Variants in CPNE4 observed in about 807,000 individuals in gnomAD.
CPNE4 encodes copine 4, also known as copine-4.
CPNE4 carries 25 observed loss-of-function variants against 67.9 expected under a neutral mutation model. That is an observed-to-expected ratio of 0.37 (90% CI 0.27 to 0.51). The LOEUF (loss-of-function observed/expected upper bound fraction) is 0.51. Ranked by LOEUF, CPNE4 falls within the 20% of genes least tolerant of loss-of-function variation. The pLI, the probability that CPNE4 is intolerant of heterozygous loss-of-function variation, is 0.93. For missense variants in CPNE4, 464 were observed against 690.8 expected, an observed-to-expected ratio of 0.67 and a Z score of 3.68; for synonymous variants, 242 against 244.9, an observed-to-expected ratio of 0.99 and a Z score of 0.11.
Position 131,542,710 on chromosome 3 carries a change from GTGGGAGGCATGGACAA to G in CPNE4, c.1370_1385del (p.Ile457ThrfsTer11), listed in dbSNP as rs1427496712. ...CCACGATGATGACTGACATGGGGAG[GTGGGAGGCATGGACAA>G]TGGCCTCCCGGGTGTCGGCCATGTC... On this transcript the variant is annotated frameshift_variant, in exon 15 of 16. Coordinates refer to ENST00000429747, the MANE Select transcript of CPNE4 (RefSeq NM_130808.3). LOFTEE classifies it high-confidence loss of function. The G allele has an allele frequency of 6.2e-7, 1 of 1,613,986 alleles. No individual in the cohort carries two copies.
intron 10 of CPNE4, among the ~76,000 whole-genome samples, chr3:131,568,009 A>G (rs1009680049): frequency 1.3e-5 from 2 of 152,014 alleles, no homozygotes; most frequent in East Asian, 3.9e-4. Flanking sequence ...AGGCCACTTC[A>G]TCTCAGGAGA....
At chr3:131,803,520 G>T (rs80078805) in intron 2 of CPNE4, among the ~76,000 whole-genome samples, 1 of 152,176 alleles carries the variant, frequency 6.6e-6, no homozygotes, top group Non-Finnish European at 1.5e-5. Context: ...TACTCTGAAG[G>T]CATAGACATC....
intron 2 of CPNE4, among the ~76,000 whole-genome samples, chr3:131,842,730 TAAAA>T (rs3041527): frequency 1.5e-4 from 18 of 121,846 alleles, no homozygotes; most frequent in Admixed American, 1.6e-4. Flanking sequence ...TATTCTGTTG[TAAAA>T]AAAAAAAAAA....
intron 2 of CPNE4, among the ~76,000 whole-genome samples, chr3:131,759,747 A>G (rs1395857826): frequency 1.3e-5 from 2 of 152,244 alleles, no homozygotes; most frequent in Non-Finnish European, 2.9e-5. Context: ...GAAAGTTTAT[A>G]GGTTCTTTAA....
chr3:131,571,418 A>G (rs376240223), intron 10 of CPNE4, among the ~76,000 whole-genome samples: 40 of 152,206 alleles, frequency 2.6e-4, no homozygotes, highest in African/African-American at 9.4e-4. Context: ...TATAAGTACC[A>G]TCTCCACTGG....
At chr3:131,843,142 TA>T (rs1446422417) in intron 2 of CPNE4, among the ~76,000 whole-genome samples, 1 of 152,126 alleles carries the variant, frequency 6.6e-6, no homozygotes, top group Non-Finnish European at 1.5e-5. Flanking sequence ...TGACAATAAT[TA>T]AAATTCAGAA....
At chr3:131,808,058 C>G (rs935843503) in intron 2 of CPNE4, among the ~76,000 whole-genome samples, 1 of 152,182 alleles carries the variant, frequency 6.6e-6, no homozygotes, top group Admixed American at 6.5e-5. Context: ...AACACTGAAA[C>G]TCAGCTCAGC....
At chr3:131,993,783 A>G (rs1273575229) in intron 1 of CPNE4, among the ~76,000 whole-genome samples, 1 of 136,438 alleles carries the variant, frequency 7.3e-6, no homozygotes, top group Non-Finnish European at 1.7e-5. Flanking sequence ...CTTTAAAAAT[A>G]CCAGTAAGAC....
intron 2 of CPNE4, among the ~76,000 whole-genome samples, chr3:131,767,424 C>T (rs1204801123): frequency 1.3e-5 from 2 of 152,096 alleles, no homozygotes; most frequent in Non-Finnish European, 2.9e-5. Context: ...GATTACAAAA[C>T]ATGCAGGACT....
At position 131,655,644 on chromosome 3, in the gene CPNE4, C is replaced by T. The variant is rs142245230; in HGVS notation, c.681+14031G>A. ...AGTTAATTGCCACAGGAAATGAAACCGACGTCGGGGGGCAGGGGGGTGGAG... is the reference window on the plus strand; with the variant it reads ...AGTTAATTGCCACAGGAAATGAAACTGACGTCGGGGGGCAGGGGGGTGGAG... On this transcript the variant is annotated intron_variant, in intron 7 of 15. Transcript: ENST00000429747. Among the ~76,000 whole-genome samples, 319 of 151,922 alleles carry T rather than the reference C, an allele frequency of 2.1e-3. 3 individuals are homozygous for T. The highest frequency in any genetic ancestry group is 7.3e-3 in the African/African-American group (302 of 41,432).
chr3:131,998,579 T>C lies in CPNE4; in HGVS notation c.-2+35988A>G, dbSNP rs573921389. 1.9e-4 allele frequency among the ~76,000 whole-genome samples: 29 copies of C among 152,256 alleles called. No individual in the cohort carries two copies. In the South Asian group the frequency reaches 5.2e-3, roughly 27 times the overall value. On this transcript the variant is annotated intron_variant, in intron 1 of 15. Coordinates refer to ENST00000429747, the MANE Select transcript of CPNE4 (RefSeq NM_130808.3). The stretch of plus-strand genomic sequence containing the variant: ...AGGAATTGGATTAACTGCCTTCACA[T>C]GACAAGACAGGAAAGAAAACATTTT...
intron 2 of CPNE4, among the ~76,000 whole-genome samples, chr3:131,890,456 G>A (rs2088069900): frequency 1.3e-5 from 2 of 151,156 alleles, no homozygotes; most frequent in Admixed American, 1.3e-4. Context: ...TACCATTAGT[G>A]AGATTGTGGA....
At chr3:132,019,225 A>T (rs1534802) in intron 1 of CPNE4, among the ~76,000 whole-genome samples, 104,477 of 151,992 alleles carry the variant, frequency 0.69, 36,780 homozygotes, top group Middle Eastern at 0.75. Context: ...CAAGAAAGCA[A>T]GTTGAAGTTT....
At chr3:131,911,355 C>A (rs1408239210) in intron 1 of CPNE4, among the ~76,000 whole-genome samples, 1 of 152,152 alleles carries the variant, frequency 6.6e-6, no homozygotes, top group Non-Finnish European at 1.5e-5. Flanking sequence ...GCAGCCCTGA[C>A]TGACACCTCG....
chr3:131,585,204 T>A (rs960457629), intron 8 of CPNE4, among the ~76,000 whole-genome samples: 1 of 152,218 alleles, frequency 6.6e-6, no homozygotes, highest in African/African-American at 2.4e-5. Flanking sequence ...ATAGCATTTG[T>A]CACAAATTGT....
intron 2 of CPNE4, among the ~76,000 whole-genome samples, chr3:131,734,296 G>T (rs1341912965): frequency 6.6e-6 from 1 of 152,174 alleles, no homozygotes; most frequent in Non-Finnish European, 1.5e-5. Flanking sequence ...AGGTAGGATT[G>T]TAGATGTATG....
At chr3:131,916,094 A>C (rs2089170419) in intron 1 of CPNE4, among the ~76,000 whole-genome samples, 1 of 152,304 alleles carries the variant, frequency 6.6e-6, no homozygotes, top group African/African-American at 2.4e-5. Flanking sequence ...TTTTCCCGGC[A>C]TACCAAAGGC....
intron 2 of CPNE4, among the ~76,000 whole-genome samples, chr3:131,766,082 G>A (rs908190124): frequency 6.6e-6 from 1 of 152,078 alleles, no homozygotes; most frequent in Admixed American, 6.6e-5. Context: ...TCCTGGGAAT[G>A]TTTCTGACTG....
intron 2 of CPNE4, among the ~76,000 whole-genome samples, chr3:131,820,329 C>G (rs941802935): frequency 6.6e-6 from 1 of 152,218 alleles, no homozygotes; most frequent in East Asian, 1.9e-4. Flanking sequence ...CTGGAGCTAT[C>G]ATGGCCTGAC....
Sources: allele counts gnomAD v4.1 joint callset (sites outside exome capture counted in the v4.1 genomes callset), GRCh38; gene constraint gnomAD v4.1.1; transcripts MANE v1.5; gene names NCBI Gene and HGNC (gene_info 2026-07-23, HGNC 2026-07-21).